The following GLIS3 variants were observed in gnomAD, a reference collection of about 807,000 sequenced individuals.
GLIS3 encodes the protein GLIS family zinc finger 3.
A neutral mutation model predicts 78.6 loss-of-function variants in GLIS3; 53 were observed. That is an observed-to-expected ratio of 0.67 (90% CI 0.54 to 0.85). The LOEUF (loss-of-function observed/expected upper bound fraction) is 0.85, where lower values mean the gene tolerates loss of function less well. Among genes scored for constraint, GLIS3 ranks in the 40% least tolerant of loss-of-function variants. The pLI is 0.00. For missense variants in GLIS3, 1,703 were observed against 1,231.1 expected, an observed-to-expected ratio of 1.38 and a Z score of -5.74; for synonymous variants, 684 against 509.9, an observed-to-expected ratio of 1.34 and a Z score of -4.60.
intron 4 of GLIS3, among the ~76,000 whole-genome samples, chr9:4,306,779 G>A (rs1245023336): frequency 1.3e-5 from 2 of 152,084 alleles, no homozygotes; most frequent in African/African-American, 4.8e-5. Context: ...CCACCCCCAT[G>A]CTTTCCTGTC....
chr9:3,922,035 G>A (rs1563852407), intron 6 of GLIS3, among the ~76,000 whole-genome samples: 2 of 152,134 alleles, frequency 1.3e-5, no homozygotes, highest in East Asian at 3.9e-4. Context: ...AAATTTTGGG[G>A]AAGTCATTTT....
chr9:4,444,852 C>G, the GLIS3 span, among the ~76,000 whole-genome samples: 2 of 152,156 alleles, frequency 1.3e-5, no homozygotes, highest in African/African-American at 4.8e-5. Flanking sequence ...GATAAATTGT[C>G]TGAAAAGAGG....
At chr9:4,183,976 T>C (rs1885236) in intron 2 of GLIS3, among the ~76,000 whole-genome samples, 25,728 of 152,228 alleles carry the variant, frequency 0.17, 2,299 homozygotes, top group Middle Eastern at 0.25. Flanking sequence ...TTTAAATTCA[T>C]GTGACAAATT....
chr9:3,870,006 T>C (rs1002516500), intron 8 of GLIS3, among the ~76,000 whole-genome samples: 2 of 152,122 alleles, frequency 1.3e-5, no homozygotes, highest in African/African-American at 4.8e-5. Flanking sequence ...GAAGTTTTTA[T>C]ATAGAAACAA....
At chr9:4,341,435 A>G (rs1197070180) in intron 2 of GLIS3, among the ~76,000 whole-genome samples, 1 of 152,178 alleles carries the variant, frequency 6.6e-6, no homozygotes, top group Admixed American at 6.5e-5. Flanking sequence ...AAAACTCACC[A>G]TTGTGAAGAC....
chr9:4,279,757 T>C (rs967568280), intron 2 of GLIS3, among the ~76,000 whole-genome samples: 6 of 152,066 alleles, frequency 3.9e-5, no homozygotes, highest in Non-Finnish European at 5.9e-5. Flanking sequence ...AAAATACTGA[T>C]ACTAGTTTAA....
intron 3 of GLIS3, among the ~76,000 whole-genome samples, chr9:4,124,561 T>A (rs1024133283): frequency 5.3e-5 from 8 of 152,186 alleles, no homozygotes; most frequent in African/African-American, 1.2e-4. Context: ...GGCATAATCA[T>A]CAATGGGAAA....
intron 2 of GLIS3, among the ~76,000 whole-genome samples, chr9:4,342,276 A>T (rs1024124907): frequency 2.6e-5 from 4 of 152,186 alleles, no homozygotes; most frequent in South Asian, 2.1e-4. Context: ...TGTATGATGA[A>T]AGGAAGGGAT....
At chr9:4,317,052 G>A (rs1286326264) in intron 2 of GLIS3, among the ~76,000 whole-genome samples, 1 of 152,228 alleles carries the variant, frequency 6.6e-6, no homozygotes, top group Non-Finnish European at 1.5e-5. Context: ...CTAGTTGAAA[G>A]ATGAGGATGC....
At chr9:4,159,223 C>T (rs145576860) in intron 2 of GLIS3, among the ~76,000 whole-genome samples, 127 of 152,162 alleles carry the variant, frequency 8.3e-4, no homozygotes, top group African/African-American at 2.9e-3. Flanking sequence ...TTAACAAATG[C>T]GGGTTGAATG....
In GLIS3 at chr9:3,825,408, A is replaced by G. The variant is rs1045548775; in HGVS notation, c.*2864T>C. ...TTAGGGAATTAAGACAATGCAGCCAATGAAATGTCTCTAGGCAGACTGATT... is the reference window on the plus strand; with the variant it reads ...TTAGGGAATTAAGACAATGCAGCCAGTGAAATGTCTCTAGGCAGACTGATT... On this transcript the variant is annotated 3_prime_UTR_variant, in exon 11 of 11. Coordinates refer to ENST00000381971, the MANE Select transcript of GLIS3 (RefSeq NM_001042413.2). The G allele has an allele frequency of 6.6e-6, 1 of 152,076 alleles. No individual in the cohort carries two copies. The highest frequency in any genetic ancestry group is 2.1e-4 in the South Asian group (1 of 4,764). 9.4% of individuals were successfully genotyped at this position (152,076 alleles called of 1,614,324 possible). A position where few individuals can be genotyped will look rare whatever the true frequency, so the allele number is the denominator to read the frequency against.
chr9:4,311,211 C>G (rs868081159), intron 2 of GLIS3, among the ~76,000 whole-genome samples: 8 of 152,150 alleles, frequency 5.3e-5, no homozygotes, highest in Non-Finnish European at 1.0e-4. Context: ...GAGTTCAAGA[C>G]CAGCCTGGCC....
chr9:4,440,128 C>G, the GLIS3 span, among the ~76,000 whole-genome samples: 1 of 152,090 alleles, frequency 6.6e-6, no homozygotes, highest in Non-Finnish European at 1.5e-5. Flanking sequence ...ATATTTTCTT[C>G]CAGTCTATAA....
intron 4 of GLIS3, among the ~76,000 whole-genome samples, chr9:4,106,794 T>C (rs1260070552): frequency 6.6e-6 from 1 of 152,194 alleles, no homozygotes; most frequent in African/African-American, 2.4e-5. Flanking sequence ...ATCTATAACC[T>C]TGCCCTTGAT....
At chr9:4,378,094 C>T in the GLIS3 span, among the ~76,000 whole-genome samples, 1 of 152,064 alleles carries the variant, frequency 6.6e-6, no homozygotes, top group Non-Finnish European at 1.5e-5. Context: ...CATGAGAAGA[C>T]TTTGGAGATA....
chr9:4,386,029 C>G, the GLIS3 span, among the ~76,000 whole-genome samples: 4 of 152,188 alleles, frequency 2.6e-5, no homozygotes, highest in Non-Finnish European at 5.9e-5. Flanking sequence ...TGCCTCATCA[C>G]TCATGGCCAA....
intron 9 of GLIS3, among the ~76,000 whole-genome samples, chr9:3,852,774 A>C (rs1032226738): frequency 1.3e-5 from 2 of 152,192 alleles, no homozygotes; most frequent in Non-Finnish European, 2.9e-5. Context: ...GCCCTTTGCA[A>C]CCTCATTGCA....
At chr9:4,431,830 G>A in the GLIS3 span, among the ~76,000 whole-genome samples, 1 of 124,830 alleles carries the variant, frequency 8.0e-6, no homozygotes, top group South Asian at 2.8e-4. Context: ...GGCAACAAGA[G>A]CAAAACTCCA....
chr9:4,162,178 T>C (rs1835533364), intron 2 of GLIS3, among the ~76,000 whole-genome samples: 1 of 152,206 alleles, frequency 6.6e-6, no homozygotes, highest in African/African-American at 2.4e-5. Flanking sequence ...ATGTCTTCTG[T>C]GTTCACCCTG....
Sources: gnomAD v4.1 joint callset for allele counts (sites outside exome capture counted in the v4.1 genomes callset) on GRCh38, gnomAD v4.1.1 for gene constraint, MANE v1.5 for transcripts, NCBI Gene and HGNC (gene_info 2026-07-23, HGNC 2026-07-21) for gene names.